GNAQ: variants seen among roughly 807,000 people sequenced by gnomAD.
The protein encoded by GNAQ is G protein subunit alpha q, also known as guanine nucleotide-binding protein G(q) subunit alpha.
GNAQ carries 8 observed loss-of-function variants against 43.9 expected under a neutral mutation model. That is an observed-to-expected ratio of 0.18 (90% CI 0.11 to 0.33). The LOEUF (loss-of-function observed/expected upper bound fraction) is 0.33, where lower values mean the gene tolerates loss of function less well. Ranked by LOEUF, GNAQ falls within the 10% of genes least tolerant of loss-of-function variation. The pLI is 1.00. For missense variants in GNAQ, 158 were observed against 450.8 expected, an observed-to-expected ratio of 0.35 and a Z score of 5.88; for synonymous variants, 155 against 170.7, an observed-to-expected ratio of 0.91 and a Z score of 0.71.
chr9:77,961,429 G>A (rs557937602), intron 1 of GNAQ, among the ~76,000 whole-genome samples: 56 of 152,254 alleles, frequency 3.7e-4, no homozygotes, highest in African/African-American at 1.3e-3. Flanking sequence ...GAGCTGAACA[G>A]AGAGAAAGCT....
At chr9:77,883,099 G>T (rs1000864628) in intron 2 of GNAQ, among the ~76,000 whole-genome samples, 11 of 152,224 alleles carry the variant, frequency 7.2e-5, no homozygotes, top group African/African-American at 2.2e-4. Flanking sequence ...GAAATAAATT[G>T]TTTAAGTTAC....
At chr9:77,985,511 C>T (rs892850103) in intron 1 of GNAQ, among the ~76,000 whole-genome samples, 1 of 152,136 alleles carries the variant, frequency 6.6e-6, no homozygotes, top group African/African-American at 2.4e-5. Flanking sequence ...TATAAAAGTA[C>T]AAGGTGTTAA....
chr9:77,819,920 T>C (rs1442703309), intron 2 of GNAQ, among the ~76,000 whole-genome samples: 2 of 151,902 alleles, frequency 1.3e-5, no homozygotes, highest in South Asian at 2.1e-4. Flanking sequence ...ACTGTCATCT[T>C]GTACAAGCTA....
intron 2 of GNAQ, among the ~76,000 whole-genome samples, chr9:77,826,631 T>G (rs77618794): frequency 0.015 from 2,303 of 152,344 alleles, 53 homozygotes; most frequent in African/African-American, 0.046. Flanking sequence ...CCTACGGCTT[T>G]GGAGTCAAAC....
rs559717240 is a variant in GNAQ, at chr9:77,879,461, G to A, written c.321+42700C>T. On this transcript the variant is annotated intron_variant, in intron 2 of 6. Transcript: ENST00000286548. Reference sequence around the variant, plus strand: ...TTTAGTACAGACTGGGTTTCACCACGTTGGCCTCAAACTCCTGACCTCAAG... The same window carrying A: ...TTTAGTACAGACTGGGTTTCACCACATTGGCCTCAAACTCCTGACCTCAAG... Among the ~76,000 whole-genome samples, 16 of 152,156 alleles carry A rather than the reference G, an allele frequency of 1.1e-4. 1 individual carries two copies. The South Asian group carries it at 3.1e-3, about 30-fold the overall frequency.
intron 1 of GNAQ, among the ~76,000 whole-genome samples, chr9:78,002,264 T>C (rs1054366985): frequency 3.3e-5 from 5 of 152,116 alleles, no homozygotes; most frequent in Admixed American, 3.3e-4. Flanking sequence ...AAAGAATCTA[T>C]GCACAGAGAT....
At chr9:77,802,553 TA>T (rs1002902910) in intron 3 of GNAQ, among the ~76,000 whole-genome samples, 5 of 149,646 alleles carry the variant, frequency 3.3e-5, no homozygotes, top group East Asian at 3.9e-4. Context: ...TTCGACCTTT[TA>T]AAAAAAAAAC....
intron 3 of GNAQ, among the ~76,000 whole-genome samples, chr9:77,809,918 C>G (rs935001323): frequency 1.4e-4 from 21 of 152,144 alleles, no homozygotes; most frequent in Admixed American, 3.3e-4. Flanking sequence ...CCTGAATTAT[C>G]TGTAACTTAG....
rs117351302 is a variant in GNAQ at position 77,884,326 on chromosome 9, A to G, written c.321+37835T>C. 4.1e-3 allele frequency among the ~76,000 whole-genome samples: 620 copies of G among 151,998 alleles called. 3 individuals are homozygous for G. The highest frequency in any genetic ancestry group is 6.7e-3 in the Non-Finnish European group (458 of 67,960). ...GCTGCCTTGAGGACCACTATGTGCC[A>G]GTTGTCTCTAATCAGTCTGCTGGCC... On this transcript the variant is annotated intron_variant, in intron 2 of 6. Coordinates refer to ENST00000286548, the MANE Select transcript of GNAQ (RefSeq NM_002072.5).
chr9:77,785,698 T>G (rs1482802061), intron 5 of GNAQ, among the ~76,000 whole-genome samples: 1 of 152,228 alleles, frequency 6.6e-6, no homozygotes, highest in Non-Finnish European at 1.5e-5. Flanking sequence ...TGACAGTTCC[T>G]GTCAGTTAAC....
intron 5 of GNAQ, among the ~76,000 whole-genome samples, chr9:77,737,952 C>A (rs1825598408): frequency 6.6e-6 from 1 of 152,150 alleles, no homozygotes; most frequent in Non-Finnish European, 1.5e-5. Flanking sequence ...ACAGACAACA[C>A]AGATTATTCC....
At chr9:77,751,716 A>G (rs1825814479) in intron 5 of GNAQ, among the ~76,000 whole-genome samples, 1 of 152,142 alleles carries the variant, frequency 6.6e-6, no homozygotes, top group Admixed American at 6.5e-5. Flanking sequence ...AAGACCTTCC[A>G]CTTCCTGTAA....
At chr9:77,789,701 C>T (rs898495492) in intron 5 of GNAQ, among the ~76,000 whole-genome samples, 5 of 152,038 alleles carry the variant, frequency 3.3e-5, no homozygotes, top group Non-Finnish European at 7.4e-5. Context: ...ATTCCACAAT[C>T]GGCCTTTTTC....
intron 1 of GNAQ, among the ~76,000 whole-genome samples, chr9:77,998,094 G>A (rs1201055970): frequency 1.3e-5 from 2 of 152,010 alleles, no homozygotes; most frequent in Admixed American, 6.6e-5. Flanking sequence ...ACACGCTGGC[G>A]AGGGCCCAGG....
chr9:77,935,895 A>G lies in GNAQ; in HGVS notation c.137-13550T>C, dbSNP rs1286812529. 1.3e-5 allele frequency among the ~76,000 whole-genome samples: 2 copies of G among 152,164 alleles called. 1 individual carries two copies. Among genetic ancestry groups the G allele is most frequent in the Non-Finnish European group, 2.9e-5 (2 of 68,026 alleles). On this transcript the variant is annotated intron_variant, in intron 1 of 6. Coordinates refer to ENST00000286548, the MANE Select transcript of GNAQ (RefSeq NM_002072.5). Reference sequence around the variant, plus strand: ...CAGCAATAGTCAACCTAAGCCTAAAATAAATAAATGCGGGTTTCCTTACTA... The same window carrying G: ...CAGCAATAGTCAACCTAAGCCTAAAGTAAATAAATGCGGGTTTCCTTACTA...
At chr9:77,906,891 A>G (rs142551292) in intron 2 of GNAQ, among the ~76,000 whole-genome samples, 17 of 152,320 alleles carry the variant, frequency 1.1e-4, no homozygotes, top group African/African-American at 3.8e-4. Flanking sequence ...TTGTATGTGC[A>G]AAGTTAAATC....
intron 2 of GNAQ, among the ~76,000 whole-genome samples, chr9:77,859,795 T>C (rs1587369218): frequency 6.6e-6 from 1 of 152,206 alleles, no homozygotes; most frequent in Non-Finnish European, 1.5e-5. Context: ...TGCAGTAAAA[T>C]ATGAGGCTGG....
chr9:77,737,869 T>C (rs913210049), intron 5 of GNAQ, among the ~76,000 whole-genome samples: 1 of 152,202 alleles, frequency 6.6e-6, no homozygotes, highest in Non-Finnish European at 1.5e-5. Context: ...CTTATAGAAA[T>C]AGCTCATTTG....
At chr9:77,883,657 C>T (rs963618172) in intron 2 of GNAQ, among the ~76,000 whole-genome samples, 4 of 150,820 alleles carry the variant, frequency 2.7e-5, no homozygotes, top group African/African-American at 9.8e-5. Flanking sequence ...CCACTCTCCT[C>T]GCTTTTGGCA....
Sources: allele counts gnomAD v4.1 joint callset (sites outside exome capture counted in the v4.1 genomes callset), GRCh38; gene constraint gnomAD v4.1.1; transcripts MANE v1.5; gene names NCBI Gene and HGNC (gene_info 2026-07-23, HGNC 2026-07-21).